The following IL17RE variants were observed in gnomAD, a reference collection of about 807,000 sequenced individuals.
IL17RE encodes the protein interleukin 17 receptor E, also known as interleukin-17 receptor E.
In IL17RE, 47 loss-of-function variants were observed where a neutral mutation model predicts 70.7. The observed-to-expected ratio is 0.67, with a 90% CI of 0.53 to 0.85. The LOEUF is 0.85. IL17RE is among the 40% of genes least tolerant of loss of function. IL17RE has a pLI of 0.00. For missense variants in IL17RE, 850 were observed against 893.9 expected (o/e 0.95, Z 0.63); for synonymous variants, 372 against 381.2 (o/e 0.98, Z 0.28).
chr3:9,911,258 T>C lies in IL17RE; in HGVS notation c.1030T>C (p.Ser344Pro). 1 of 1,614,220 alleles carries C rather than the reference T, an allele frequency of 6.2e-7. No homozygotes were observed. The highest frequency in any genetic ancestry group is 1.6e-4 in the Middle Eastern group (1 of 6,062). Residue 344 changes from serine to proline, a missense_variant, in exon 11 of 16, where the codon TCT becomes CCT. Physicochemically the swap from Ser to Pro is moderately conservative, Grantham distance 74. Transcript: ENST00000383814. Reference sequence around the variant, plus strand: ...CTGCCATTCCTGTATTTCTCAGTTCTCTTTTGGAAACAGCAGCCATGTTGA... The same window carrying C: ...CTGCCATTCCTGTATTTCTCAGTTCCCTTTTGGAAACAGCAGCCATGTTGA... The part of the protein sequence containing the change: ...DLHPQLCFKF[S>P]FGNSSHVECP...
chr3:9,902,739 T>C (rs963772912), upstream of IL17RE: 16 of 1,534,196 alleles, frequency 1.0e-5, no homozygotes, highest in African/African-American at 1.4e-5. Context: ...CCTCAGTCCC[T>C]CCACTTGGAG....
At chr3:9,905,457 AAAGGAAGG>A (rs576448059) in intron 3 of IL17RE, among the ~76,000 whole-genome samples, 3 of 151,880 alleles carry the variant, frequency 2.0e-5, no homozygotes, top group Non-Finnish European at 2.9e-5. Context: ...TCCTGTCAAG[AAAGGAAGG>A]AAGGAAGGAA....
intron 3 of IL17RE, among the ~76,000 whole-genome samples, chr3:9,904,472 C>A (rs2082706873): frequency 2.0e-5 from 3 of 152,086 alleles, no homozygotes. Flanking sequence ...TACTAAATGC[C>A]CTTACATTGC....
At position 9,914,723 on chromosome 3, in the gene IL17RE, C is replaced by G. The variant is rs766884498; in HGVS notation, c.1393C>G (p.Leu465Val). The G allele has an allele frequency of 5.6e-6, 9 of 1,614,006 alleles. No homozygotes were observed. The highest frequency in any genetic ancestry group is 7.6e-6 in the Non-Finnish European group (9 of 1,180,032). Residue 465 changes from leucine (L) to valine (V), a missense_variant, in exon 15 of 16, where the codon CTC (leucine) becomes GTC (valine). By Grantham distance (32) the Leu-to-Val change is conservative (BLOSUM62 1). Transcript: ENST00000383814. ...LGLLILALLALLTLLGVVLAL... is the reference protein window; with the variant it reads ...LGLLILALLAVLTLLGVVLAL... ...GCTCTTGATCCTGGCACTGCTGGCC[C>G]TCCTCACCCTACTGGGTGTTGTTCT...
chr3:9,909,330 C>T lies in IL17RE; in HGVS notation c.802+47C>T, dbSNP rs59960550. The stretch of plus-strand genomic sequence containing the variant: ...CCTTGTGCACACACATCCCCTTTCT[C>T]TTTCTGTCTCCTACACACACATGTA... On this transcript the variant is annotated intron_variant, in intron 8 of 15. Transcript: ENST00000383814. 6,649 of 1,476,792 alleles carry T rather than the reference C, an allele frequency of 4.5e-3. 222 individuals are homozygous for T. The African/African-American group carries it at 0.077, about 17-fold the overall frequency. 91.5% of individuals were successfully genotyped at this position (1,476,792 alleles called of 1,614,324 possible).
At chr3:9,914,236 ATTCTGGCATGGTGACAATGG>A (rs2082958392) in intron 13 of IL17RE, among the ~76,000 whole-genome samples, 1 of 152,244 alleles carries the variant, frequency 6.6e-6, no homozygotes, top group African/African-American at 2.4e-5. Flanking sequence ...GTGTGTCCAC[ATTCTGGCATGGTGACAATGG>A]CCTGGAGCTC....
upstream of IL17RE, chr3:9,902,705 AGGGTTT>A: frequency 6.5e-7 from 1 of 1,535,780 alleles, no homozygotes; most frequent in East Asian, 2.4e-5. Context: ...GGGGGGCAGT[AGGGTTT>A]TTGGGGGCAC....
Position 9,909,377 on chromosome 3 carries a change from C to T in IL17RE, c.802+94C>T, listed in dbSNP as rs9859142. 117 of 1,042,546 alleles carry T rather than the reference C, an allele frequency of 1.1e-4. No homozygotes were observed. In the African/African-American group the frequency reaches 1.4e-3, roughly 12 times the overall value. 64.6% of individuals were successfully genotyped at this position (1,042,546 alleles called of 1,614,324 possible). On this transcript the variant is annotated intron_variant, in intron 8 of 15. Coordinates refer to ENST00000383814, the MANE Select transcript of IL17RE (RefSeq NM_153480.2). ...TGTACACACACACACACACACACCC[C>T]GCACTTCACACATGTGCTGGGGGAA...
chr3:9,915,331 G>C lies in IL17RE; in HGVS notation c.1528G>C (p.Glu510Gln). Residue 510 changes from glutamate to glutamine, a missense_variant, in exon 16 of 16, where the codon GAA (glutamate) becomes CAA (glutamine). Transcript: ENST00000383814. This position sits in a 1 kb window ranked among gnomAD's most constrained non-coding sequence, Gnocchi z 4.9. ...GCGGCGCCTGGTGGGAGCGCTGGCT[G>C]AACTGCTACGGGCAGCGCTGGGCGG... is the stretch of plus-strand genomic sequence containing the variant. ...AQRRLVGALAELLRAALGGGR... is the reference protein window; with the variant it reads ...AQRRLVGALAQLLRAALGGGR... The C allele has an allele frequency of 7.2e-7, 1 of 1,396,620 alleles. No individual in the cohort carries two copies. Among genetic ancestry groups the C allele is most frequent in the Non-Finnish European group, 9.2e-7 (1 of 1,084,830 alleles). 86.5% of individuals were successfully genotyped at this position (1,396,620 alleles called of 1,614,324 possible).
chr3:9,911,641 C>T (rs749034451), intron 12 of IL17RE, 44 bp downstream of exon 12: 8 of 1,561,168 alleles, frequency 5.1e-6, no homozygotes, highest in Non-Finnish European at 5.3e-6. Context: ...AGAGCACAGC[C>T]CTCAATTTCC....
intron 3 of IL17RE, 112 bp downstream of exon 3, chr3:9,904,263 A>G: frequency 8.1e-7 from 1 of 1,240,848 alleles, no homozygotes; most frequent in Non-Finnish European, 1.1e-6. Context: ...TTTTAACCTC[A>G]ACTGGGACTT....
chr3:9,915,532 C>A lies in IL17RE; in HGVS notation c.1729C>A (p.Leu577Met). The change falls in exon 16 of 16, where the codon CTG becomes ATG. Residue 577 changes from leucine (L) to methionine (M), a missense_variant. Leu to Met is a conservative substitution (Grantham distance 15). Transcript: ENST00000383814. This position sits in a 1 kb window ranked among gnomAD's most constrained non-coding sequence, Gnocchi z 4.9. ...VSGPDPRAAPLLALLHAAPRP... is the reference protein window; with the variant it reads ...VSGPDPRAAPMLALLHAAPRP... ...CGGCCCCGACCCCCGCGCCGCGCCC[C>A]TGCTCGCCCTGCTCCACGCTGCCCC... 1 of 1,350,904 alleles carries A rather than the reference C, an allele frequency of 7.4e-7. No homozygotes were observed. 83.7% of individuals were successfully genotyped at this position (1,350,904 alleles called of 1,614,324 possible). A position where few individuals can be genotyped will look rare whatever the true frequency, so the allele number is the denominator to read the frequency against.
At chr3:9,903,441 C>T in intron 2 of IL17RE, 29 bp downstream of exon 2, 2 of 1,613,414 alleles carry the variant, frequency 1.2e-6, no homozygotes, top group African/African-American at 1.3e-5. Context: ...CCCATTGCTC[C>T]TCCCCACGCC....
At chr3:9,904,320 T>C (rs571755583) in intron 3 of IL17RE, among the ~76,000 whole-genome samples, 169 bp downstream of exon 3, 5 of 130,590 alleles carry the variant, frequency 3.8e-5, no homozygotes, top group Admixed American at 3.1e-4. Flanking sequence ...ACAAATACAA[T>C]TGTACAATTT....
In IL17RE at chr3:9,915,401, C is replaced by G; in HGVS notation, c.1598C>G (p.Ala533Gly). The part of the protein sequence containing the change: ...IVDLWEGRHV[A>G]RVGPLPWLWA... ...GACCTGTGGGAGGGGAGGCACGTGG[C>G]GCGCGTGGGCCCGCTGCCGTGGCTC... Residue 533 changes from alanine (A) to glycine (G), a missense_variant, in exon 16 of 16, where the codon GCG becomes GGG. Coordinates refer to ENST00000383814, the MANE Select transcript of IL17RE (RefSeq NM_153480.2). This position sits in a 1 kb window ranked among gnomAD's most constrained non-coding sequence, Gnocchi z 4.9. 1 of 1,361,460 alleles carries G rather than the reference C, an allele frequency of 7.3e-7. No individual in the cohort carries two copies. Among genetic ancestry groups the G allele is most frequent in the Admixed American group, 3.8e-5 (1 of 26,108 alleles). The allele number at this position is 1,361,460 out of a possible 1,614,324, so 84.3% of individuals were successfully genotyped here.
upstream of IL17RE, chr3:9,902,510 CTAAG>C (rs979671254): frequency 8.2e-6 from 8 of 974,832 alleles, no homozygotes; most frequent in African/African-American, 1.3e-4. Context: ...GGCTAATTCT[CTAAG>C]TGAGGGGGTG....
Position 9,904,110 on chromosome 3 carries a change from G to A in IL17RE, c.227G>A (p.Cys76Tyr). ...TKPWCVRVWH[C>Y]SRCLCQHLLS... ...CCTTGGTGTGTGCGAGTCTGGCACT[G>A]TTCCCGCTGTTTGTGCCAGCATCTG... Residue 76 changes from cysteine (C) to tyrosine (Y), a missense_variant, in exon 3 of 16, where the codon TGT (cysteine) becomes TAT (tyrosine). By Grantham distance (194) the Cys-to-Tyr change is radical. Transcript: ENST00000383814. The A allele has an allele frequency of 6.2e-7, 1 of 1,614,208 alleles. No individual in the cohort carries two copies. The highest frequency in any genetic ancestry group is 8.5e-7 in the Non-Finnish European group (1 of 1,180,016).
At chr3:9,913,796 C>T (rs2082947740) in intron 12 of IL17RE, among the ~76,000 whole-genome samples, 160 bp from the exon 13 acceptor site, 3 of 152,184 alleles carry the variant, frequency 2.0e-5, no homozygotes, top group African/African-American at 7.2e-5. Flanking sequence ...CAGTGGGAGC[C>T]GGAGTGACTG....
At chr3:9,902,712 T>C, upstream of IL17RE, 1 of 1,535,678 alleles carries the variant, frequency 6.5e-7, no homozygotes, top group Non-Finnish European at 8.7e-7. Flanking sequence ...AGTAGGGTTT[T>C]TGGGGGCACA....
Sources: gnomAD v4.1 joint callset for allele counts (sites outside exome capture counted in the v4.1 genomes callset) on GRCh38, gnomAD v4.1.1 for gene constraint, Gnocchi (gnomAD v3.1) non-coding constraint, MANE v1.5 for transcripts, NCBI Gene and HGNC (gene_info 2026-07-23, HGNC 2026-07-21) for gene names.